Variants in ADCY5 observed in about 807,000 individuals in gnomAD.
The protein encoded by ADCY5 is adenylate cyclase 5, also known as adenylate cyclase type 5.
Under a neutral mutation model 119.7 loss-of-function variants are expected in ADCY5, and 30 were observed. That is an observed-to-expected ratio of 0.25 (90% CI 0.19 to 0.34). ADCY5 has a LOEUF of 0.34. Ranked by LOEUF, ADCY5 falls within the 10% of genes least tolerant of loss-of-function variation. The pLI is 1.00. For synonymous variants in ADCY5, 753 were observed against 762.2 expected (o/e 0.99, Z 0.20); for missense variants, 1,324 against 1,775.2 (o/e 0.75, Z 4.57).
At chr3:123,361,739 T>A (rs1943257235) in intron 1 of ADCY5, among the ~76,000 whole-genome samples, 1 of 152,212 alleles carries the variant, frequency 6.6e-6, no homozygotes, top group African/African-American at 2.4e-5. Context: ...TGCATATACA[T>A]AATGAGGTAT....
intron 1 of ADCY5, among the ~76,000 whole-genome samples, chr3:123,414,878 C>T (rs1476923047): frequency 6.6e-6 from 1 of 152,176 alleles, no homozygotes; most frequent in Non-Finnish European, 1.5e-5. Flanking sequence ...ATCTTTAAAG[C>T]AACCCTCTGG....
At chr3:123,373,594 A>AGTCAGGT (rs1485773828) in intron 1 of ADCY5, among the ~76,000 whole-genome samples, 2 of 152,202 alleles carry the variant, frequency 1.3e-5, no homozygotes, top group Non-Finnish European at 2.9e-5. Flanking sequence ...CAAAGGAGTG[A>AGTCAGGT]GTCAGGTCCC....
intron 12 of ADCY5, 62 bp downstream of exon 12, chr3:123,314,173 G>A (rs1003838341): frequency 7.1e-7 from 1 of 1,407,000 alleles, no homozygotes; most frequent in Non-Finnish European, 9.9e-7. Context: ...CCTGGGTAGG[G>A]CCCCTAGGGC....
rs1484032497 is a variant in ADCY5 at position 123,303,862 on chromosome 3, AG to A, written c.2559+204del. ...AAAAGAGAAGAGAAGAGAAGAGAAGAGAAGAGAAGAGAAGAGAAGAGAAGAG... is the reference window on the plus strand; with the variant it reads ...AAAAGAGAAGAGAAGAGAAGAGAAGAAAGAGAAGAGAAGAGAAGAGAAGAG... On this transcript the variant is annotated intron_variant, in intron 13 of 20. Coordinates refer to ENST00000462833, the MANE Select transcript of ADCY5 (RefSeq NM_183357.3). Among the ~76,000 whole-genome samples, 361 of 137,150 alleles carry A rather than the reference AG, an allele frequency of 2.6e-3. 1 individual carries two copies. Among genetic ancestry groups the A allele is most frequent in the African/African-American group, 0.01 (331 of 31,706 alleles). The allele number at this position is 137,150 out of a possible 152,430, so 90.0% of individuals were successfully genotyped here.
At chr3:123,325,171 G>A in intron 8 of ADCY5, 151 bp downstream of exon 8, 1 of 1,037,562 alleles carries the variant, frequency 9.6e-7, no homozygotes, top group South Asian at 1.6e-5. Flanking sequence ...CCTACTCCTA[G>A]TCCAAAGTTG....
intron 1 of ADCY5, among the ~76,000 whole-genome samples, chr3:123,442,401 G>A (rs1232787863): frequency 1.3e-5 from 2 of 152,242 alleles, no homozygotes; most frequent in East Asian, 1.9e-4. Context: ...GGCCTGGCCC[G>A]AACATGGGCC....
At chr3:123,411,371 G>A (rs1425470608) in intron 1 of ADCY5, among the ~76,000 whole-genome samples, 1 of 152,178 alleles carries the variant, frequency 6.6e-6, no homozygotes, top group African/African-American at 2.4e-5. Context: ...GCAGGGAGCA[G>A]ACCCCTGACA....
chr3:123,288,876 A>C (rs1938952582), intron 19 of ADCY5, among the ~76,000 whole-genome samples: 2 of 152,162 alleles, frequency 1.3e-5, no homozygotes, highest in Admixed American at 1.3e-4. Context: ...GCCCCTCCAG[A>C]GCCATCCAAC....
At chr3:123,319,954 G>A (rs2108346028) in intron 9 of ADCY5, 136 bp from the exon 10 acceptor site, 1 of 1,241,724 alleles carries the variant, frequency 8.1e-7, no homozygotes, top group South Asian at 1.5e-5. Flanking sequence ...AGGGCAGCGG[G>A]AGCTGAGACT....
chr3:123,393,020 TG>T (rs1398219541), intron 1 of ADCY5, among the ~76,000 whole-genome samples: 1 of 152,188 alleles, frequency 6.6e-6, no homozygotes, highest in Non-Finnish European at 1.5e-5. Context: ...CTAGGAAGAC[TG>T]GGAATTTCAG....
chr3:123,369,953 G>C (rs564455452), intron 1 of ADCY5, among the ~76,000 whole-genome samples: 2 of 152,298 alleles, frequency 1.3e-5, no homozygotes, highest in South Asian at 2.1e-4. Flanking sequence ...AAGGGGGTAG[G>C]AAGGGTGACC....
At chr3:123,385,307 A>C in intron 1 of ADCY5, among the ~76,000 whole-genome samples, 1 of 151,324 alleles carries the variant, frequency 6.6e-6, no homozygotes, top group East Asian at 2.0e-4. Context: ...ACACACACAC[A>C]CACGCACGCA....
chr3:123,428,318 T>A (rs1253439830), intron 1 of ADCY5, among the ~76,000 whole-genome samples: 1 of 152,200 alleles, frequency 6.6e-6, no homozygotes, highest in Non-Finnish European at 1.5e-5. Context: ...CTTTTGTGCC[T>A]GCAGTCATGC....
chr3:123,358,846 G>C (rs1016468384), intron 1 of ADCY5, among the ~76,000 whole-genome samples: 5 of 152,224 alleles, frequency 3.3e-5, no homozygotes, highest in Admixed American at 6.5e-5. Context: ...TGAGCCAAGA[G>C]TGGGAAGTTA....
chr3:123,370,106 A>G (rs901495907), intron 1 of ADCY5, among the ~76,000 whole-genome samples: 2 of 152,158 alleles, frequency 1.3e-5, no homozygotes, highest in Non-Finnish European at 2.9e-5. Context: ...AACCATTATG[A>G]TAGAAGACTA....
chr3:123,312,218 C>T (rs997439199), intron 12 of ADCY5, among the ~76,000 whole-genome samples: 25 of 152,118 alleles, frequency 1.6e-4, no homozygotes, highest in Admixed American at 1.2e-3. Context: ...GCAGACTATG[C>T]GCAGCTTTGA....
intron 10 of ADCY5, among the ~76,000 whole-genome samples, chr3:123,318,915 A>G (rs1040324517): frequency 2.0e-5 from 3 of 152,224 alleles, no homozygotes; most frequent in Non-Finnish European, 4.4e-5. Flanking sequence ...TGCAACAGAG[A>G]GATCTTGACT....
In ADCY5 at chr3:123,284,604, G is replaced by A. The variant is rs200853304; in HGVS notation, c.*4C>T. The A allele has an allele frequency of 6.2e-7, 1 of 1,614,214 alleles. No individual in the cohort carries two copies. The highest frequency in any genetic ancestry group is 1.7e-5 in the Admixed American group (1 of 60,032). On this transcript the variant is annotated 3_prime_UTR_variant, in exon 21 of 21. Transcript: ENST00000462833. Reference sequence around the variant, plus strand: ...GGCTGCCTGGCACCATTGGCCAACAGCTGCTAACTGAGCGGGGGCCCTCCA... The same window carrying A: ...GGCTGCCTGGCACCATTGGCCAACAACTGCTAACTGAGCGGGGGCCCTCCA...
At chr3:123,337,528 C>T (rs1448762658) in intron 3 of ADCY5, among the ~76,000 whole-genome samples, 1 of 152,240 alleles carries the variant, frequency 6.6e-6, no homozygotes, top group African/African-American at 2.4e-5. Flanking sequence ...CAGAATCTCT[C>T]CTTGTGTATT....
Sources: allele counts gnomAD v4.1 joint callset (sites outside exome capture counted in the v4.1 genomes callset), GRCh38; gene constraint gnomAD v4.1.1; transcripts MANE v1.5; gene names NCBI Gene and HGNC (gene_info 2026-07-23, HGNC 2026-07-21).